The following MSH4 variants were observed in gnomAD, a reference collection of about 807,000 sequenced individuals.
MSH4 encodes the protein mutS homolog 4.
In MSH4, 106 loss-of-function variants were observed where a neutral mutation model predicts 113.7. The observed-to-expected ratio is 0.93, with a 90% CI of 0.80 to 1.10. The LOEUF (loss-of-function observed/expected upper bound fraction) is 1.10. MSH4 is among the 50% of genes least tolerant of loss of function. MSH4 has a pLI of 0.00. For missense variants in MSH4, 1,061 were observed against 1,093.7 expected (o/e 0.97, Z 0.42); for synonymous variants, 368 against 380.2 (o/e 0.97, Z 0.37).
intron 3 of MSH4, among the ~76,000 whole-genome samples, chr1:75,809,052 C>A (rs113028885): frequency 1.8e-4 from 28 of 152,084 alleles, no homozygotes; most frequent in African/African-American, 6.5e-4. Flanking sequence ...GCATGCACCA[C>A]CACATAGAGC....
intron 19 of MSH4, among the ~76,000 whole-genome samples, chr1:75,901,211 T>C (rs910526701): frequency 3.3e-5 from 5 of 152,178 alleles, no homozygotes; most frequent in African/African-American, 1.2e-4. Context: ...ATACGACACA[T>C]ATTAACTATA....
At chr1:75,815,949 A>G (rs908933305) in intron 5 of MSH4, among the ~76,000 whole-genome samples, 3 of 151,552 alleles carry the variant, frequency 2.0e-5, no homozygotes, top group Admixed American at 6.6e-5. Flanking sequence ...TGGAGGTTGC[A>G]GTGAGCCGAG....
chr1:75,883,899 T>C lies in MSH4; in HGVS notation c.2107+78T>C. The C allele has an allele frequency of 3.3e-6, 4 of 1,199,366 alleles. No homozygotes were observed. The South Asian group carries it at 5.9e-5, about 18-fold the overall frequency. The allele number at this position is 1,199,366 out of a possible 1,614,324, so 74.3% of individuals were successfully genotyped here. On this transcript the variant is annotated intron_variant, in intron 15 of 19. Transcript: ENST00000263187. ...TTTGTGCCTAATTTTTTTAGGGCCA[T>C]GTGCCTAATTAACCCAAGAACAGTT...
intron 19 of MSH4, among the ~76,000 whole-genome samples, chr1:75,908,174 C>T (rs1490825335): frequency 2.2e-5 from 3 of 135,728 alleles, no homozygotes; most frequent in Non-Finnish European, 4.6e-5. Flanking sequence ...GAGACAGAGT[C>T]TGGCTCTGTC....
In MSH4 at chr1:75,897,883, T is replaced by G. The variant is rs5745538; in HGVS notation, c.2356-24T>G. 2.8e-4 allele frequency: 393 copies of G among 1,381,590 alleles called. 2 individuals carry two copies. The African/African-American group carries it at 5.1e-3, about 18-fold the overall frequency. 85.6% of individuals were successfully genotyped at this position (1,381,590 alleles called of 1,614,324 possible). A position where few individuals can be genotyped will look rare whatever the true frequency, so the allele number is the denominator to read the frequency against. On this transcript the variant is annotated intron_variant, in intron 17 of 19. Coordinates refer to ENST00000263187, the MANE Select transcript of MSH4 (RefSeq NM_002440.4). ...CTAGTTAATTTTTAAAGTACTAATA[T>G]TCATTGTCTGTTATATATTCCAGGC...
chr1:75,804,499 CTTT>C (rs5775308), intron 2 of MSH4, among the ~76,000 whole-genome samples: 6 of 123,268 alleles, frequency 4.9e-5, no homozygotes, highest in East Asian at 4.8e-4. Flanking sequence ...TATGACCTTC[CTTT>C]TTTTTTTTTT....
intron 17 of MSH4, among the ~76,000 whole-genome samples, chr1:75,896,707 T>C (rs1652392253): frequency 6.6e-6 from 1 of 152,156 alleles, no homozygotes; most frequent in Non-Finnish European, 1.5e-5. Context: ...GTATCCTTAG[T>C]GCCTAGCACA....
chr1:75,898,079 A>G lies in MSH4; in HGVS notation c.2528A>G (p.Tyr843Cys), dbSNP rs1652423240. Residue 843 changes from tyrosine (Y) to cysteine (C), a missense_variant and splice_region_variant, in exon 18 of 20, where the codon TAT becomes TGT. Transcript: ENST00000263187. ...AAGGGACTCACAGAAGAGAAAAATTATGGTACTGCATATAGAAATTATACC... is the reference window on the plus strand; with the variant it reads ...AAGGGACTCACAGAAGAGAAAAATTGTGGTACTGCATATAGAAATTATACC... ...LSKGLTEEKNYGLKAAEVSSL... is the reference protein window; with the variant it reads ...LSKGLTEEKNCGLKAAEVSSL... 2 of 1,560,120 alleles carry G rather than the reference A, an allele frequency of 1.3e-6. No homozygotes were observed. Among genetic ancestry groups the G allele is most frequent in the African/African-American group, 1.4e-5 (1 of 72,992 alleles).
At chr1:75,868,643 G>A (rs1431043285) in intron 9 of MSH4, among the ~76,000 whole-genome samples, 8 of 152,262 alleles carry the variant, frequency 5.3e-5, no homozygotes, top group Non-Finnish European at 7.3e-5. Context: ...TTTCAAGGGC[G>A]GGGACTGGTG....
At chr1:75,817,131 T>C (rs991466654) in intron 6 of MSH4, among the ~76,000 whole-genome samples, 3 of 152,232 alleles carry the variant, frequency 2.0e-5, no homozygotes, top group Non-Finnish European at 4.4e-5. Context: ...GTACTGTTTT[T>C]GCTGAACTGG....
chr1:75,900,086 C>G (rs1212359928), intron 19 of MSH4, among the ~76,000 whole-genome samples: 1 of 151,966 alleles, frequency 6.6e-6, no homozygotes, highest in African/African-American at 2.4e-5. Flanking sequence ...CTTTTCTACT[C>G]ATCATATGTA....
chr1:75,818,710 A>G (rs12024645), intron 6 of MSH4, among the ~76,000 whole-genome samples: 37,641 of 151,762 alleles, frequency 0.25, 6,160 homozygotes, highest in East Asian at 0.68. Context: ...TTCTTAATCA[A>G]CCTAACTAAA....
At chr1:75,900,877 A>G (rs910662917) in intron 19 of MSH4, among the ~76,000 whole-genome samples, 1 of 152,162 alleles carries the variant, frequency 6.6e-6, no homozygotes, top group Non-Finnish European at 1.5e-5. Flanking sequence ...CCACATTTCA[A>G]TTATGGACCA....
chr1:75,907,753 C>T (rs1297294290), intron 19 of MSH4, among the ~76,000 whole-genome samples: 1 of 106,964 alleles, frequency 9.3e-6, no homozygotes, highest in African/African-American at 4.1e-5. Context: ...TTATTCCTTT[C>T]ATTCTGTTTT....
chr1:75,814,601 A>G (rs557407786), intron 4 of MSH4, among the ~76,000 whole-genome samples: 1 of 152,304 alleles, frequency 6.6e-6, no homozygotes, highest in South Asian at 2.1e-4. Context: ...CTCAATTATG[A>G]TAGACTATGG....
chr1:75,798,778 G>A (rs1032554749), intron 1 of MSH4, among the ~76,000 whole-genome samples: 14 of 151,412 alleles, frequency 9.2e-5, no homozygotes, highest in Non-Finnish European at 5.9e-5. Context: ...GCCTGGTCTC[G>A]AACTTCTAGG....
rs544288339 is a variant in MSH4, at chr1:75,809,136, G to A, written c.589-1561G>A. Reference sequence around the variant, plus strand: ...AGCTAGTCTCAAATTCCTTAGACTCGAGTGATCCTGCCCCCTCAGAAGTTG... The same window carrying A: ...AGCTAGTCTCAAATTCCTTAGACTCAAGTGATCCTGCCCCCTCAGAAGTTG... On this transcript the variant is annotated intron_variant, in intron 3 of 19. Coordinates refer to ENST00000263187, the MANE Select transcript of MSH4 (RefSeq NM_002440.4). Among the ~76,000 whole-genome samples the A allele has an allele frequency of 7.2e-5, 11 of 152,168 alleles. No homozygotes were observed. The South Asian group carries it at 8.3e-4, about 11-fold the overall frequency.
chr1:75,874,383 G>A (rs1651772975), intron 9 of MSH4, among the ~76,000 whole-genome samples: 1 of 152,196 alleles, frequency 6.6e-6, no homozygotes, highest in African/African-American at 2.4e-5. Context: ...CTGGAGTACA[G>A]TGGCACGATC....
At chr1:75,798,645 T>C (rs977885401) in intron 1 of MSH4, among the ~76,000 whole-genome samples, 4 of 150,880 alleles carry the variant, frequency 2.7e-5, no homozygotes, top group African/African-American at 9.8e-5. Flanking sequence ...CAGCCTCAAA[T>C]TCCTGGGCTC....
Sources: allele counts gnomAD v4.1 joint callset (sites outside exome capture counted in the v4.1 genomes callset), GRCh38; gene constraint gnomAD v4.1.1; transcripts MANE v1.5; gene names NCBI Gene and HGNC (gene_info 2026-07-23, HGNC 2026-07-21).